The following LRP1B variants were observed in gnomAD, a reference collection of about 807,000 sequenced individuals.
LRP1B encodes the protein LDL receptor related protein 1B.
A neutral mutation model predicts 556.6 loss-of-function variants in LRP1B; 217 were observed. That is an observed-to-expected ratio of 0.39 (90% CI 0.35 to 0.44). The LOEUF (loss-of-function observed/expected upper bound fraction) is 0.44, where lower values mean the gene tolerates loss of function less well. LRP1B is among the 20% of genes least tolerant of loss of function. The pLI is 1.00. For synonymous variants in LRP1B, 2,047 were observed against 1,865.8 expected (o/e 1.10, Z -2.50); for missense variants, 5,053 against 5,620.8 (o/e 0.90, Z 3.23).
chr2:141,777,201 A>G (rs977526407), intron 2 of LRP1B, among the ~76,000 whole-genome samples: 1 of 152,214 alleles, frequency 6.6e-6, no homozygotes, highest in African/African-American at 2.4e-5. Context: ...TGTTCATTAA[A>G]TCCTGAACTA....
At chr2:141,058,840 C>T (rs202198928) in intron 9 of LRP1B, 43 bp downstream of exon 9, 1 of 1,488,546 alleles carries the variant, frequency 6.7e-7, no homozygotes, top group Admixed American at 2.1e-5. Flanking sequence ...TATCCCCATT[C>T]AATCTACCAT....
At chr2:140,718,410 C>A (rs1687286163) in intron 35 of LRP1B, among the ~76,000 whole-genome samples, 1 of 151,980 alleles carries the variant, frequency 6.6e-6, no homozygotes, top group African/African-American at 2.4e-5. Flanking sequence ...CAATACATAT[C>A]TATTATCCAA....
At chr2:141,272,511 C>G (rs746547490) in intron 3 of LRP1B, among the ~76,000 whole-genome samples, 22 of 151,924 alleles carry the variant, frequency 1.4e-4, no homozygotes, top group African/African-American at 5.3e-4. Context: ...ACACGAAATC[C>G]AAAGTCAGAA....
intron 2 of LRP1B, among the ~76,000 whole-genome samples, chr2:141,509,384 C>T (rs1210218916): frequency 6.6e-6 from 1 of 152,124 alleles, no homozygotes; most frequent in Non-Finnish European, 1.5e-5. Flanking sequence ...AAACAGTAAT[C>T]CCTGCCATTT....
At chr2:140,799,547 A>C (rs923773122) in intron 32 of LRP1B, among the ~76,000 whole-genome samples, 6 of 152,202 alleles carry the variant, frequency 3.9e-5, no homozygotes, top group Non-Finnish European at 8.8e-5. Flanking sequence ...TAATTCCTGC[A>C]TAATATTTCA....
chr2:141,382,321 A>G (rs1410544310), intron 3 of LRP1B, among the ~76,000 whole-genome samples: 1 of 152,204 alleles, frequency 6.6e-6, no homozygotes, highest in African/African-American at 2.4e-5. Flanking sequence ...AGACTCTGTG[A>G]TGGGCTTGCC....
chr2:141,603,692 C>A (rs73965724), intron 2 of LRP1B, among the ~76,000 whole-genome samples: 2 of 152,178 alleles, frequency 1.3e-5, no homozygotes, highest in East Asian at 1.9e-4. Context: ...TGAATCAACA[C>A]CTTACCATAT....
intron 3 of LRP1B, among the ~76,000 whole-genome samples, chr2:141,471,114 C>A (rs926416240): frequency 6.6e-6 from 1 of 152,062 alleles, no homozygotes; most frequent in Non-Finnish European, 1.5e-5. Flanking sequence ...CTGTTTATCT[C>A]CAAGTTTTAT....
At chr2:140,834,087 G>T (rs1053179932) in intron 31 of LRP1B, among the ~76,000 whole-genome samples, 26 of 152,142 alleles carry the variant, frequency 1.7e-4, no homozygotes, top group African/African-American at 5.5e-4. Context: ...ATAACTTAAG[G>T]CTCTTCAAAC....
intron 2 of LRP1B, among the ~76,000 whole-genome samples, chr2:141,557,179 C>A (rs1033815894): frequency 6.6e-6 from 1 of 151,692 alleles, no homozygotes; most frequent in Admixed American, 6.6e-5. Flanking sequence ...AACAAAATGT[C>A]TGAAATGGCT....
intron 11 of LRP1B, among the ~76,000 whole-genome samples, chr2:141,033,173 C>T (rs1698429067): frequency 6.6e-6 from 1 of 151,592 alleles, no homozygotes. Flanking sequence ...GCTGGGGTAA[C>T]TGTGAGAAAA....
At chr2:140,374,676 C>T (rs1683142883) in intron 68 of LRP1B, among the ~76,000 whole-genome samples, 1 of 152,030 alleles carries the variant, frequency 6.6e-6, no homozygotes, top group Non-Finnish European at 1.5e-5. Context: ...AATAAACTAG[C>T]AAATATAGAA....
chr2:140,915,735 T>C (rs1694555946), intron 21 of LRP1B, among the ~76,000 whole-genome samples: 1 of 151,912 alleles, frequency 6.6e-6, no homozygotes, highest in African/African-American at 2.4e-5. Context: ...GAATTGTTTA[T>C]TCTTCTTTAT....
At chr2:141,377,436 A>C (rs1404129387) in intron 3 of LRP1B, among the ~76,000 whole-genome samples, 1 of 151,960 alleles carries the variant, frequency 6.6e-6, no homozygotes, top group Non-Finnish European at 1.5e-5. Context: ...ATGGATTGTC[A>C]TGTTGAACAG....
intron 1 of LRP1B, among the ~76,000 whole-genome samples, chr2:142,080,953 G>T (rs1403239519): frequency 6.6e-6 from 1 of 152,156 alleles, no homozygotes; most frequent in African/African-American, 2.4e-5. Context: ...TTCCAGTAGG[G>T]ATTTCAGAAG....
rs757795713 is a variant in LRP1B, at chr2:140,902,960, A to G, written c.3726T>C (p.Gly1242=). The G allele has an allele frequency of 1.2e-6, 2 of 1,613,504 alleles. No individual in the cohort carries two copies. The highest frequency in any genetic ancestry group is 1.7e-5 in the Admixed American group (1 of 59,928). ...KHTVKCSCYE[G]WKLDVDGESC... ...TTTCACCGTCTACATCCAGCTTCCA[A>G]CCTTCATAACATGAGCACTTGACTG... The change falls in exon 23 of 91, where the codon GGT becomes GGC. Residue 1242 remains glycine, a synonymous_variant. Transcript: ENST00000389484.
intron 6 of LRP1B, among the ~76,000 whole-genome samples, chr2:141,227,898 C>A (rs1014848226): frequency 6.6e-6 from 1 of 151,872 alleles, no homozygotes; most frequent in Non-Finnish European, 1.5e-5. Context: ...TCTTCTTTTC[C>A]GCTTGATTGT....
chr2:140,725,352 C>G (rs1276132591), intron 35 of LRP1B, among the ~76,000 whole-genome samples: 1 of 151,756 alleles, frequency 6.6e-6, no homozygotes, highest in Non-Finnish European at 1.5e-5. Flanking sequence ...TCACTTCTCA[C>G]TCTCCCACCC....
At chr2:141,903,288 G>C (rs1699673600) in intron 1 of LRP1B, among the ~76,000 whole-genome samples, 1 of 151,774 alleles carries the variant, frequency 6.6e-6, no homozygotes, top group African/African-American at 2.4e-5. Flanking sequence ...AGAAGAAACT[G>C]TTATAAGAAG....
Sources: gnomAD v4.1 joint callset for allele counts (sites outside exome capture counted in the v4.1 genomes callset) on GRCh38, gnomAD v4.1.1 for gene constraint, MANE v1.5 for transcripts, NCBI Gene and HGNC (gene_info 2026-07-23, HGNC 2026-07-21) for gene names.